AKR1C8: variants seen among roughly 807,000 people sequenced by gnomAD.
AKR1C8 encodes aldo-keto reductase family 1 member C-like protein 1.
chr10:5,176,635 G>A, the AKR1C8 span, among the ~76,000 whole-genome samples: 2 of 151,436 alleles, frequency 1.3e-5, no homozygotes, highest in Non-Finnish European at 1.5e-5. Context: ...CCATTTGTTT[G>A]TATCCTCTTT....
chr10:5,169,515 G>A, the AKR1C8 span, among the ~76,000 whole-genome samples: 1 of 143,508 alleles, frequency 7.0e-6, no homozygotes, highest in African/African-American at 2.6e-5. Context: ...TTCTTATTAG[G>A]CCTGATTGGT....
chr10:5,152,780 C>T, the AKR1C8 span, among the ~76,000 whole-genome samples: 2 of 152,238 alleles, frequency 1.3e-5, no homozygotes, highest in South Asian at 4.2e-4. Context: ...AATGAGTCTG[C>T]CTTTCATCAG....
At chr10:5,129,789 C>CA in the AKR1C8 span, among the ~76,000 whole-genome samples, 3 of 151,364 alleles carry the variant, frequency 2.0e-5, no homozygotes, top group Non-Finnish European at 3.0e-5. Flanking sequence ...AAATTGCCAA[C>CA]AAAAAAAGCC....
At chr10:5,123,410 T>C in the AKR1C8 span, 1 of 365,916 alleles carries the variant, frequency 2.7e-6, no homozygotes, top group Non-Finnish European at 5.3e-6. Flanking sequence ...AACTGGGTCC[T>C]CCAAAAGAAC....
At chr10:5,172,730 T>C in the AKR1C8 span, among the ~76,000 whole-genome samples, 1 of 152,150 alleles carries the variant, frequency 6.6e-6, no homozygotes, top group Admixed American at 6.5e-5. Context: ...GTTTCAAAGA[T>C]CAAAGTCATG....
the AKR1C8 span, among the ~76,000 whole-genome samples, chr10:5,181,311 C>T: frequency 1.3e-5 from 2 of 151,976 alleles, no homozygotes; most frequent in African/African-American, 2.4e-5. Context: ...GGGTGAAATT[C>T]GACTTTCTTT....
chr10:5,178,787 T>A, the AKR1C8 span, among the ~76,000 whole-genome samples: 1 of 140,154 alleles, frequency 7.1e-6, no homozygotes, highest in African/African-American at 2.7e-5. Context: ...TATCAGAGAC[T>A]AGGATTGCAA....
chr10:5,179,095 AT>A, the AKR1C8 span, among the ~76,000 whole-genome samples: 14 of 152,294 alleles, frequency 9.2e-5, no homozygotes, highest in East Asian at 2.7e-3. Context: ...ACAATTTGGC[AT>A]GATTTTGCAG....
the AKR1C8 span, among the ~76,000 whole-genome samples, chr10:5,123,103 G>T: frequency 6.6e-6 from 1 of 152,142 alleles, no homozygotes; most frequent in South Asian, 2.1e-4. Context: ...CTCCACCCAT[G>T]CTGCCTCTTC....
chr10:5,169,887 T>G, the AKR1C8 span, among the ~76,000 whole-genome samples: 10,428 of 152,178 alleles, frequency 0.069, 619 homozygotes, highest in East Asian at 0.21. Context: ...GTTACTTACT[T>G]TTTATCATTT....
At chr10:5,121,219 C>A in the AKR1C8 span, among the ~76,000 whole-genome samples, 1 of 152,110 alleles carries the variant, frequency 6.6e-6, no homozygotes, top group Non-Finnish European at 1.5e-5. Context: ...TGAGATCCTG[C>A]CACAGTTAAT....
the AKR1C8 span, chr10:5,122,164 A>T: frequency 2.5e-6 from 1 of 394,214 alleles, no homozygotes; most frequent in African/African-American, 2.1e-5. Flanking sequence ...TCAAAGTCAA[A>T]AACCTGAAAG....
At chr10:5,181,318 C>T in the AKR1C8 span, among the ~76,000 whole-genome samples, 1 of 152,224 alleles carries the variant, frequency 6.6e-6, no homozygotes, top group African/African-American at 2.4e-5. Context: ...ATTCGACTTT[C>T]TTTTGAACAA....
the AKR1C8 span, among the ~76,000 whole-genome samples, chr10:5,139,875 G>T: frequency 6.6e-6 from 1 of 152,102 alleles, no homozygotes; most frequent in East Asian, 1.9e-4. Context: ...CAGAATGGGA[G>T]AAAATTTTTG....
At chr10:5,124,150 C>T in the AKR1C8 span, among the ~76,000 whole-genome samples, 1 of 151,910 alleles carries the variant, frequency 6.6e-6, no homozygotes, top group Non-Finnish European at 1.5e-5. Flanking sequence ...CAAATTGTGC[C>T]AGAAAGTAAA....
the AKR1C8 span, chr10:5,123,826 G>C: frequency 1.2e-6 from 2 of 1,606,782 alleles, no homozygotes; most frequent in African/African-American, 2.7e-5. Context: ...TCCACCTGCA[G>C]ATGACAAAGA....
chr10:5,116,037 A>G, the AKR1C8 span, among the ~76,000 whole-genome samples: 2 of 151,952 alleles, frequency 1.3e-5, no homozygotes, highest in South Asian at 2.1e-4. Flanking sequence ...CCAAACCTTC[A>G]TTTTTGAAGG....
At chr10:5,136,954 A>G in the AKR1C8 span, among the ~76,000 whole-genome samples, 3 of 152,180 alleles carry the variant, frequency 2.0e-5, no homozygotes, top group African/African-American at 7.2e-5. Context: ...CAGACCACCA[A>G]CATAAAGCAA....
the AKR1C8 span, among the ~76,000 whole-genome samples, chr10:5,168,556 A>G: frequency 6.6e-6 from 1 of 152,156 alleles, no homozygotes; most frequent in Non-Finnish European, 1.5e-5. Context: ...CCTGATAGAT[A>G]CATGAAGGCT....
Sources: allele counts gnomAD v4.1 joint callset (sites outside exome capture counted in the v4.1 genomes callset), GRCh38; gene constraint gnomAD v4.1.1; transcripts MANE v1.5; gene names NCBI Gene and HGNC (gene_info 2026-07-23, HGNC 2026-07-21).